RIN3: variants seen among roughly 807,000 people sequenced by gnomAD.
RIN3 encodes the protein Ras and Rab interactor 3.
RIN3 carries 54 observed loss-of-function variants against 76.3 expected under a neutral mutation model. That is an observed-to-expected ratio of 0.71 (90% confidence interval 0.57 to 0.89). The LOEUF is 0.89. Among genes scored for constraint, RIN3 ranks in the 40% least tolerant of loss-of-function variants. The pLI is 0.00. For synonymous variants in RIN3, 576 were observed against 564.0 expected, an observed-to-expected ratio of 1.02 and a Z score of -0.30; for missense variants, 1,256 against 1,322.1, an observed-to-expected ratio of 0.95 and a Z score of 0.78.
At position 92,661,755 on chromosome 14, in the gene RIN3, ACAC is replaced by A. The variant is rs1887893702; in HGVS notation, c.2335+2287_2335+2289del. On this transcript the variant is annotated intron_variant, in intron 7 of 9. Transcript: ENST00000216487. Reference sequence around the variant, plus strand: ...CACACACACACACACACACACACACACACAAAAAATAGAATTGTGCTCCCCAAA... The same window carrying A: ...CACACACACACACACACACACACACAAAAAAATAGAATTGTGCTCCCCAAA... Among the ~76,000 whole-genome samples, 8 of 118,846 alleles carry A rather than the reference ACAC, an allele frequency of 6.7e-5. No homozygotes were observed. The South Asian group carries it at 1.9e-3, about 28-fold the overall frequency. 78.0% of individuals were successfully genotyped at this position (118,846 alleles called of 152,430 possible).
rs1280473044 is a variant in RIN3 at position 92,648,474 on chromosome 14, T to G, written c.533-3108T>G. Among the ~76,000 whole-genome samples the G allele has an allele frequency of 2.6e-5, 4 of 152,202 alleles. 1 individual carries two copies. Among genetic ancestry groups the G allele is most frequent in the Admixed American group, 2.6e-4 (4 of 15,286 alleles). On this transcript the variant is annotated intron_variant, in intron 5 of 9. Coordinates refer to ENST00000216487, the MANE Select transcript of RIN3 (RefSeq NM_024832.5). The surrounding 1 kb of genome is among the most constrained non-coding windows in gnomAD (Gnocchi z 4.1). ...GGGCTCCTGTGCCCTCCTTCCTGCCTCCTCTCACTGTCTTGTATTTACACA... is the reference window on the plus strand; with the variant it reads ...GGGCTCCTGTGCCCTCCTTCCTGCCGCCTCTCACTGTCTTGTATTTACACA...
intron 2 of RIN3, 77 bp from the exon 3 acceptor site, chr14:92,577,283 T>C: frequency 1.1e-6 from 1 of 949,952 alleles, no homozygotes; most frequent in Non-Finnish European, 1.7e-6. Context: ...TCCAGATGAC[T>C]TCCATCTCGT....
At chr14:92,535,841 C>CTT (rs35296189) in intron 1 of RIN3, among the ~76,000 whole-genome samples, 94,092 of 146,336 alleles carry the variant, frequency 0.64, 30,832 homozygotes, top group Admixed American at 0.72. Context: ...CGCCTGGCTA[C>CTT]TTTTTTTTTT....
intron 1 of RIN3, among the ~76,000 whole-genome samples, chr14:92,548,339 C>A (rs1226486128): frequency 1.3e-5 from 2 of 152,088 alleles, no homozygotes; most frequent in Non-Finnish European, 1.5e-5. Context: ...TGGCATGTGA[C>A]CTTTGGTGAA....
In RIN3 at chr14:92,513,858, G is replaced by T; in HGVS notation, c.-75G>T. On this transcript the variant is annotated 5_prime_UTR_variant, in exon 1 of 10. Coordinates refer to ENST00000216487, the MANE Select transcript of RIN3 (RefSeq NM_024832.5). ...AGAGGGCCAGAGCCAGGGACATGCG[G>T]GCGCCCGGGACTCCGCGTTCCGCGC... 1 of 1,126,288 alleles carries T rather than the reference G, an allele frequency of 8.9e-7. No homozygotes were observed. The highest frequency in any genetic ancestry group is 1.1e-6 in the Non-Finnish European group (1 of 888,114). 69.8% of individuals were successfully genotyped at this position (1,126,288 alleles called of 1,614,324 possible).
chr14:92,573,756 A>G (rs1313262814), intron 2 of RIN3, among the ~76,000 whole-genome samples: 1 of 152,138 alleles, frequency 6.6e-6, no homozygotes, highest in Admixed American at 6.5e-5. Context: ...TCCCTCACAC[A>G]CTGCTGGTTC....
At position 92,547,171 on chromosome 14, in the gene RIN3, A is replaced by G. The variant is rs1225286550; in HGVS notation, c.45-8580A>G. 1.9e-4 allele frequency among the ~76,000 whole-genome samples: 16 copies of G among 83,878 alleles called. 3 individuals carry two copies. Among genetic ancestry groups the G allele is most frequent in the East Asian group, 8.3e-4 (3 of 3,632 alleles). The allele number at this position is 83,878 out of a possible 152,430, so 55.0% of individuals were successfully genotyped here. ...TTATTTTATTATTATAAAATAAATTATCTTTATTTTATTATTATAAAATAA... is the reference window on the plus strand; with the variant it reads ...TTATTTTATTATTATAAAATAAATTGTCTTTATTTTATTATTATAAAATAA... On this transcript the variant is annotated intron_variant, in intron 1 of 9. Transcript: ENST00000216487.
intron 3 of RIN3, among the ~76,000 whole-genome samples, chr14:92,591,632 T>TA (rs1217251082): frequency 6.6e-6 from 1 of 151,732 alleles, no homozygotes; most frequent in Non-Finnish European, 1.5e-5. Context: ...AGATAAGAAT[T>TA]ACATCTGACT....
At chr14:92,525,275 C>A (rs982262219) in intron 1 of RIN3, among the ~76,000 whole-genome samples, 5 of 152,220 alleles carry the variant, frequency 3.3e-5, no homozygotes, top group African/African-American at 1.2e-4. Flanking sequence ...GCCCCTGATG[C>A]CTGTGGCAGC....
Position 92,568,079 on chromosome 14 carries a change from G to A in RIN3, c.250-9281G>A, listed in dbSNP as rs990772446. Among the ~76,000 whole-genome samples the A allele has an allele frequency of 4.6e-5, 7 of 152,166 alleles. No homozygotes were observed. The highest frequency in any genetic ancestry group is 1.7e-4 in the African/African-American group (7 of 41,428). On this transcript the variant is annotated intron_variant, in intron 2 of 9. Transcript: ENST00000216487. The surrounding 1 kb of genome is among the most constrained non-coding windows in gnomAD (Gnocchi z 4.2). ...AGTAAAAGTAACTTGCCCACGGCTG[G>A]TGAGGGGCAGAGGTAGTATTTGTGT...
chr14:92,641,260 C>G lies in RIN3; in HGVS notation c.463C>G (p.Arg155Gly), dbSNP rs774034330. ...CAGAGACTTACTGCCCTTCACACTG[C>G]GGCTACCCCAGGCCATCCTTGAGGC... ...VSRDLLPFTL[R>G]LPQAILEASS... The change falls in exon 5 of 10, where the codon CGG (arginine) becomes GGG (glycine). Residue 155 changes from arginine to glycine, a missense_variant. This residue lies in a region of RIN3 where 610 missense variants were observed against 626.4 expected (regional missense o/e 0.97). Transcript: ENST00000216487. The G allele has an allele frequency of 1.9e-6, 3 of 1,613,982 alleles. No homozygotes were observed. The highest frequency in any genetic ancestry group is 2.5e-6 in the Non-Finnish European group (3 of 1,179,840).
At chr14:92,522,242 C>G (rs1896620113) in intron 1 of RIN3, among the ~76,000 whole-genome samples, 1 of 152,026 alleles carries the variant, frequency 6.6e-6, no homozygotes, top group Admixed American at 6.5e-5. Context: ...CTGTTGTTGC[C>G]AGGGTTACCT....
At chr14:92,541,214 C>T (rs1283956642) in intron 1 of RIN3, among the ~76,000 whole-genome samples, 1 of 152,232 alleles carries the variant, frequency 6.6e-6, no homozygotes, top group Non-Finnish European at 1.5e-5. Flanking sequence ...CTACCCATCT[C>T]ATAAACCCTT....
intron 3 of RIN3, among the ~76,000 whole-genome samples, chr14:92,580,633 T>C (rs1299467897): frequency 6.6e-6 from 1 of 152,252 alleles, no homozygotes; most frequent in Non-Finnish European, 1.5e-5. Flanking sequence ...ACAGGCAAGA[T>C]TCCTGCCCAG....
At chr14:92,612,468 C>T (rs1159813383) in intron 3 of RIN3, among the ~76,000 whole-genome samples, 3 of 152,212 alleles carry the variant, frequency 2.0e-5, no homozygotes, top group East Asian at 3.9e-4. Context: ...CCATCAGCCA[C>T]GTGGTAAGAG....
chr14:92,537,580 A>C (rs1595396577), intron 1 of RIN3, among the ~76,000 whole-genome samples: 1 of 148,178 alleles, frequency 6.7e-6, no homozygotes, highest in East Asian at 2.0e-4. Flanking sequence ...ATTGCCCTCC[A>C]TGAAGGCTGT....
At chr14:92,675,370 C>G (rs952363021) in intron 7 of RIN3, among the ~76,000 whole-genome samples, 2 of 152,142 alleles carry the variant, frequency 1.3e-5, no homozygotes, top group Non-Finnish European at 2.9e-5. Flanking sequence ...GTAAACATGT[C>G]AAGTAGAAAC....
rs1281291163 is a variant in RIN3, at chr14:92,529,499, C to T, written c.44+15523C>T. Among the ~76,000 whole-genome samples, 3 of 152,256 alleles carry T rather than the reference C, an allele frequency of 2.0e-5. No homozygotes were observed. In the South Asian group the frequency reaches 6.2e-4, roughly 32 times the overall value. ...TCCTGACCTCGTGATCCGCCCACCT[C>T]GGCCTCCCAAAGTGCTGGGATTACA... On this transcript the variant is annotated intron_variant, in intron 1 of 9. Coordinates refer to ENST00000216487, the MANE Select transcript of RIN3 (RefSeq NM_024832.5).
intron 2 of RIN3, among the ~76,000 whole-genome samples, chr14:92,557,089 C>A (rs375024321): frequency 5.9e-5 from 9 of 152,208 alleles, no homozygotes; most frequent in South Asian, 2.1e-4. Flanking sequence ...GCATGCGGTA[C>A]GTCTGTCTGC....
Sources: gnomAD v4.1 joint callset for allele counts (sites outside exome capture counted in the v4.1 genomes callset) on GRCh38, gnomAD v4.1.1 for gene constraint, gnomAD v4.1.1 regional missense constraint, Gnocchi (gnomAD v3.1) non-coding constraint, MANE v1.5 for transcripts, NCBI Gene and HGNC (gene_info 2026-07-23, HGNC 2026-07-21) for gene names.